The following CSMD1 variants were observed in gnomAD, a reference collection of about 807,000 sequenced individuals.
CSMD1 encodes the protein CUB and Sushi multiple domains 1.
CSMD1 carries 213 observed loss-of-function variants against 417.5 expected under a neutral mutation model. That is an observed-to-expected ratio of 0.51 (90% CI 0.46 to 0.57). The LOEUF (loss-of-function observed/expected upper bound fraction) is 0.57. Among genes scored for constraint, CSMD1 ranks in the 20% least tolerant of loss-of-function variants. CSMD1 has a pLI of 0.00. For missense variants in CSMD1, 6,923 were observed against 4,529.7 expected, an observed-to-expected ratio of 1.53 and a Z score of -15.17; for synonymous variants, 2,862 against 1,736.8, an observed-to-expected ratio of 1.65 and a Z score of -16.11.
chr8:4,453,505 G>A (rs922092836), intron 2 of CSMD1, among the ~76,000 whole-genome samples: 1 of 152,130 alleles, frequency 6.6e-6, no homozygotes, highest in African/African-American at 2.4e-5. Flanking sequence ...CATCCTTCAG[G>A]CCTTCTTGCA....
chr8:3,912,123 G>A (rs928704415), intron 5 of CSMD1, among the ~76,000 whole-genome samples: 1 of 152,086 alleles, frequency 6.6e-6, no homozygotes, highest in African/African-American at 2.4e-5. Flanking sequence ...TTCTGAGACT[G>A]ATTTTCTATT....
At chr8:3,223,632 G>A in intron 28 of CSMD1, 97 bp downstream of exon 28, 1 of 1,255,928 alleles carries the variant, frequency 8.0e-7, no homozygotes, top group Non-Finnish European at 1.1e-6. Flanking sequence ...CACTTACCTA[G>A]ATATAACATT....
At chr8:3,505,540 T>C (rs748211793) in intron 10 of CSMD1, among the ~76,000 whole-genome samples, 31 of 152,152 alleles carry the variant, frequency 2.0e-4, no homozygotes, top group Admixed American at 8.5e-4. Flanking sequence ...ATGACAATAA[T>C]AGGAATACGT....
intron 3 of CSMD1, among the ~76,000 whole-genome samples, chr8:4,362,402 C>A (rs1334994282): frequency 1.3e-5 from 2 of 152,230 alleles, no homozygotes; most frequent in South Asian, 4.2e-4. Flanking sequence ...GACAGAGTCT[C>A]AGGTCCGAGG....
intron 8 of CSMD1, among the ~76,000 whole-genome samples, chr8:3,599,369 C>T (rs1017317246): frequency 6.6e-6 from 1 of 152,136 alleles, no homozygotes; most frequent in Non-Finnish European, 1.5e-5. Context: ...TTAACCCCAA[C>T]TCAGCATCAT....
At chr8:4,316,490 G>T (rs1018234023) in intron 3 of CSMD1, among the ~76,000 whole-genome samples, 4 of 151,980 alleles carry the variant, frequency 2.6e-5, no homozygotes, top group Admixed American at 6.6e-5. Flanking sequence ...AACGATTTTT[G>T]CACCAACCTA....
rs75725207 is a variant in CSMD1, at chr8:4,973,878, T to C, written c.85+20454A>G. ...AATCAACGTGACAAATCCAACACAA[T>C]CACACCTGGCTGAAAACATTTTTCT... On this transcript the variant is annotated intron_variant, in intron 1 of 69. Coordinates refer to ENST00000635120, the MANE Select transcript of CSMD1 (RefSeq NM_033225.6). 1.7e-4 allele frequency among the ~76,000 whole-genome samples: 26 copies of C among 152,264 alleles called. No homozygotes were observed. In the East Asian group the frequency reaches 5.0e-3, roughly 29 times the overall value.
intron 2 of CSMD1, among the ~76,000 whole-genome samples, chr8:4,560,802 T>A (rs1798295878): frequency 2.0e-5 from 3 of 152,240 alleles, no homozygotes; most frequent in Admixed American, 2.0e-4. Flanking sequence ...GACTTCCTAA[T>A]GATTCTGCCT....
intron 42 of CSMD1, among the ~76,000 whole-genome samples, chr8:3,114,597 A>G (rs1420735137): frequency 6.6e-6 from 1 of 151,978 alleles, no homozygotes; most frequent in African/African-American, 2.4e-5. Context: ...GCATTTTCAG[A>G]GAAGAATCCA....
At chr8:3,550,818 T>C (rs955709019) in intron 10 of CSMD1, among the ~76,000 whole-genome samples, 1 of 152,232 alleles carries the variant, frequency 6.6e-6, no homozygotes, top group Non-Finnish European at 1.5e-5. Flanking sequence ...GAATACTTGT[T>C]GGATGGAAGA....
chr8:4,669,813 T>C lies in CSMD1; in HGVS notation c.86-32255A>G, dbSNP rs577797333. On this transcript the variant is annotated intron_variant, in intron 1 of 69. Coordinates refer to ENST00000635120, the MANE Select transcript of CSMD1 (RefSeq NM_033225.6). ...AAGGAGAATGATTTAAGTAGCAATA[T>C]TTGGAAAGACATCCAAGAAGAATGG... 2.6e-5 allele frequency among the ~76,000 whole-genome samples: 4 copies of C among 152,320 alleles called. No individual in the cohort carries two copies. In the South Asian group the frequency reaches 6.2e-4, roughly 24 times the overall value.
At chr8:3,556,516 GCACACACA>G (rs71708244) in intron 10 of CSMD1, among the ~76,000 whole-genome samples, 3,771 of 137,688 alleles carry the variant, frequency 0.027, 185 homozygotes, top group African/African-American at 0.098. Context: ...TTTTTCACAC[GCACACACA>G]CACACACACA....
chr8:2,951,252 T>A lies in CSMD1; in HGVS notation c.10063A>T (p.Asn3355Tyr). ...TCATAATACCCCTTCCACAGTGAAT[T>A]GACGAAAAAGACATCTGAAGGAACT... ...TPVPSDVFFV[N>Y]SLWKGYYEYL... Residue 3355 changes from asparagine (N) to tyrosine (Y), a missense_variant, in exon 66 of 70, where the codon AAT (asparagine) becomes TAT (tyrosine). Transcript: ENST00000635120. The A allele has an allele frequency of 6.2e-7, 1 of 1,605,896 alleles. No homozygotes were observed. The highest frequency in any genetic ancestry group is 8.5e-7 in the Non-Finnish European group (1 of 1,175,806).
intron 3 of CSMD1, among the ~76,000 whole-genome samples, chr8:4,295,896 T>G (rs891790637): frequency 6.6e-6 from 1 of 150,996 alleles, no homozygotes; most frequent in African/African-American, 2.4e-5. Context: ...CTTTTCTCCA[T>G]TGCCTGCTTC....
In CSMD1 at chr8:3,217,931, T is replaced by A. The variant is rs1469036236; in HGVS notation, c.4672+1324A>T. ...TTTCATTTTTTAAAGAAAACCCTCC[T>A]AACTGTGAATTGATATTTTGTTAAG... On this transcript the variant is annotated intron_variant, in intron 29 of 69. Transcript: ENST00000635120. Among the ~76,000 whole-genome samples the A allele has an allele frequency of 2.0e-5, 3 of 152,134 alleles. No individual in the cohort carries two copies. In the East Asian group the frequency reaches 5.8e-4, roughly 29 times the overall value.
chr8:3,806,773 G>T (rs1181525041), intron 5 of CSMD1, among the ~76,000 whole-genome samples: 6 of 152,168 alleles, frequency 3.9e-5, no homozygotes, highest in African/African-American at 1.4e-4. Flanking sequence ...CAAAATGTTA[G>T]TTGTTTTAGC....
At chr8:4,599,750 G>A (rs1262623348) in intron 2 of CSMD1, among the ~76,000 whole-genome samples, 3 of 152,068 alleles carry the variant, frequency 2.0e-5, no homozygotes, top group African/African-American at 7.2e-5. Flanking sequence ...TCCAAACAAT[G>A]GTAACAATAA....
At chr8:4,881,176 G>A (rs987742386) in intron 1 of CSMD1, among the ~76,000 whole-genome samples, 1 of 152,018 alleles carries the variant, frequency 6.6e-6, no homozygotes, top group Non-Finnish European at 1.5e-5. Context: ...AGATTTAGCA[G>A]TTTCCTTTGT....
rs116590359 is a variant in CSMD1, at chr8:4,345,911, G to A, written c.415+74042C>T. Reference sequence around the variant, plus strand: ...ATGAGTCTGTGTATTCAGTCAAGACGTAACAAGGGAGGGGCTTTTCTTCCT... The same window carrying A: ...ATGAGTCTGTGTATTCAGTCAAGACATAACAAGGGAGGGGCTTTTCTTCCT... On this transcript the variant is annotated intron_variant, in intron 3 of 69. Coordinates refer to ENST00000635120, the MANE Select transcript of CSMD1 (RefSeq NM_033225.6). Among the ~76,000 whole-genome samples the A allele has an allele frequency of 3.0e-3, 454 of 152,174 alleles. 1 individual carries two copies. Among genetic ancestry groups the A allele is most frequent in the African/African-American group, 9.9e-3 (412 of 41,522 alleles).
Sources: allele counts gnomAD v4.1 joint callset (sites outside exome capture counted in the v4.1 genomes callset), GRCh38; gene constraint gnomAD v4.1.1; transcripts MANE v1.5; gene names NCBI Gene and HGNC (gene_info 2026-07-23, HGNC 2026-07-21).